The following CDH4 variants were observed in gnomAD, a reference collection of about 807,000 sequenced individuals.
CDH4 encodes the protein cadherin 4.
Under a neutral mutation model 86.0 loss-of-function variants are expected in CDH4, and 33 were observed. The observed-to-expected ratio is 0.38, with a 90% confidence interval of 0.29 to 0.51. The LOEUF is 0.51. CDH4 is among the 20% of genes least tolerant of loss of function. The pLI, the probability that CDH4 is intolerant of heterozygous loss-of-function variation, is 0.86. For missense variants in CDH4, 1,114 were observed against 1,307.4 expected (o/e 0.85, Z 2.28); for synonymous variants, 555 against 549.4 (o/e 1.01, Z -0.14).
chr20:61,568,505 G>C (rs954661400), intron 2 of CDH4, among the ~76,000 whole-genome samples: 1 of 152,212 alleles, frequency 6.6e-6, no homozygotes, highest in Non-Finnish European at 1.5e-5. Context: ...GTCTCAGGTA[G>C]GTATTAGCAG....
At chr20:61,923,818 G>A (rs982579860) in intron 10 of CDH4, 114 bp downstream of exon 10, 18 of 1,350,338 alleles carry the variant, frequency 1.3e-5, no homozygotes, top group African/African-American at 4.3e-5. Flanking sequence ...ATGGGTGGTC[G>A]GGGGCATCTC....
intron 2 of CDH4, among the ~76,000 whole-genome samples, chr20:61,409,896 G>C (rs999794318): frequency 1.3e-5 from 2 of 152,242 alleles, no homozygotes; most frequent in African/African-American, 4.8e-5. Context: ...TTTGTGTTAA[G>C]AGATTGATCA....
chr20:61,440,684 G>A (rs996065928), intron 2 of CDH4, among the ~76,000 whole-genome samples: 1 of 152,188 alleles, frequency 6.6e-6, no homozygotes, highest in Non-Finnish European at 1.5e-5. Context: ...CCTGAGATGT[G>A]AATCCGGGGA....
chr20:61,316,550 T>C (rs1262440636), intron 2 of CDH4, among the ~76,000 whole-genome samples: 1 of 152,256 alleles, frequency 6.6e-6, no homozygotes, highest in Non-Finnish European at 1.5e-5. Flanking sequence ...TGCCATCTGC[T>C]GCATCCTCGA....
intron 2 of CDH4, among the ~76,000 whole-genome samples, chr20:61,423,537 A>G (rs551585179): frequency 7.0e-4 from 106 of 152,196 alleles, no homozygotes; most frequent in South Asian, 4.1e-4. Flanking sequence ...GTGGTTGAAT[A>G]TTGCAAACGC....
chr20:61,467,243 C>A (rs1458482551), intron 2 of CDH4, among the ~76,000 whole-genome samples: 1 of 152,192 alleles, frequency 6.6e-6, no homozygotes, highest in African/African-American at 2.4e-5. Flanking sequence ...TTAAATCAAG[C>A]CTACATCAAA....
intron 2 of CDH4, among the ~76,000 whole-genome samples, chr20:61,726,925 A>G (rs1600918741): frequency 6.6e-6 from 1 of 151,740 alleles, no homozygotes; most frequent in East Asian, 1.9e-4. Context: ...CATCATCAAC[A>G]TTGCTGCCAT....
intron 2 of CDH4, among the ~76,000 whole-genome samples, chr20:61,355,730 G>C (rs1006471466): frequency 6.6e-6 from 1 of 152,214 alleles, no homozygotes; most frequent in African/African-American, 2.4e-5. Flanking sequence ...CTGTGCACCT[G>C]TCTGCCGCCT....
chr20:61,776,635 G>A (rs113785024), intron 4 of CDH4, among the ~76,000 whole-genome samples: 1,712 of 152,324 alleles, frequency 0.011, 29 homozygotes, highest in African/African-American at 0.038. Context: ...AGGTGGGTGC[G>A]TGTTAGGGCT....
chr20:61,497,026 A>C (rs1000412368), intron 2 of CDH4, among the ~76,000 whole-genome samples: 1 of 149,128 alleles, frequency 6.7e-6, no homozygotes, highest in Non-Finnish European at 1.5e-5. Context: ...CTCTTATCCA[A>C]TGTTAATATC....
In CDH4 at chr20:61,356,207, G is replaced by A. The variant is rs1031786822; in HGVS notation, c.169+101270G>A. On this transcript the variant is annotated intron_variant, in intron 2 of 15. Coordinates refer to ENST00000614565, the MANE Select transcript of CDH4 (RefSeq NM_001794.5). ...TGACCACTGTTCCTATTGAATGGAC[G>A]AGGGATTATCTTGGAAGAGGGTTGA... Among the ~76,000 whole-genome samples the A allele has an allele frequency of 2.6e-5, 4 of 152,274 alleles. No homozygotes were observed. The South Asian group carries it at 6.2e-4, about 24-fold the overall frequency.
chr20:61,745,472 G>T (rs1025331093), intron 3 of CDH4, among the ~76,000 whole-genome samples: 4 of 152,222 alleles, frequency 2.6e-5, no homozygotes, highest in Non-Finnish European at 5.9e-5. Context: ...ACTGCATGAT[G>T]AGCTGACCCC....
chr20:61,903,095 T>G (rs1568877747), intron 8 of CDH4, among the ~76,000 whole-genome samples: 1 of 151,786 alleles, frequency 6.6e-6, no homozygotes, highest in Non-Finnish European at 1.5e-5. Context: ...AAACTTCGTG[T>G]GCCACGTGCC....
Position 61,930,641 on chromosome 20 carries a change from C to A in CDH4, c.2239+799C>A, listed in dbSNP as rs138333318. Among the ~76,000 whole-genome samples the A allele has an allele frequency of 1.3e-3, 205 of 152,328 alleles. 4 individuals carry two copies. In the East Asian group the frequency reaches 0.034, roughly 25 times the overall value. On this transcript the variant is annotated intron_variant, in intron 13 of 15. Transcript: ENST00000614565. ...GCTGACTTGAGACCCCAGGGACCAA[C>A]CTGAGCCCTGTCCAAAGGATGTCTG...
intron 2 of CDH4, among the ~76,000 whole-genome samples, chr20:61,353,830 A>G (rs2084730762): frequency 6.9e-6 from 1 of 145,970 alleles, no homozygotes; most frequent in Admixed American, 7.0e-5. Context: ...CCCGTTAGAA[A>G]CATCCGCAAA....
chr20:61,409,914 A>G (rs888831820), intron 2 of CDH4, among the ~76,000 whole-genome samples: 2 of 152,260 alleles, frequency 1.3e-5, no homozygotes, highest in African/African-American at 4.8e-5. Flanking sequence ...TCACCATCTT[A>G]TTCCATCCTT....
In CDH4 at chr20:61,703,495, T is replaced by G. The variant is rs1252690642; in HGVS notation, c.170-40068T>G. Among the ~76,000 whole-genome samples the G allele has an allele frequency of 6.6e-6, 1 of 152,146 alleles. No individual in the cohort carries two copies. Among genetic ancestry groups the G allele is most frequent in the African/African-American group, 2.4e-5 (1 of 41,422 alleles). ...TATTTAACCTAATATTGAAAAGACA[T>G]CATTTGTCCCCACCAACAAATTAGT... On this transcript the variant is annotated intron_variant, in intron 2 of 15. Coordinates refer to ENST00000614565, the MANE Select transcript of CDH4 (RefSeq NM_001794.5). The surrounding 1 kb of genome is among the most constrained non-coding windows in gnomAD (Gnocchi z 4.3).
chr20:61,322,674 A>G (rs1172032592), intron 2 of CDH4, among the ~76,000 whole-genome samples: 1 of 152,184 alleles, frequency 6.6e-6, no homozygotes, highest in East Asian at 1.9e-4. Flanking sequence ...CCAGCCACAC[A>G]ATATGTTCAC....
Position 61,929,595 on chromosome 20 carries a change from T to C in CDH4, c.2006-14T>C. 1 of 1,603,256 alleles carries C rather than the reference T, an allele frequency of 6.2e-7. No individual in the cohort carries two copies. Among genetic ancestry groups the C allele is most frequent in the Non-Finnish European group, 8.5e-7 (1 of 1,170,486 alleles). On this transcript the variant is annotated splice_polypyrimidine_tract_variant and intron_variant, in intron 12 of 15. Coordinates refer to ENST00000614565, the MANE Select transcript of CDH4 (RefSeq NM_001794.5). ...CCGGGCTCTGGTTGAATGTTTACTG[T>C]TGCTTTGCACCAGGTGACTATGCCC... is the stretch of plus-strand genomic sequence containing the variant.
Sources: allele counts gnomAD v4.1 joint callset (sites outside exome capture counted in the v4.1 genomes callset), GRCh38; gene constraint gnomAD v4.1.1; non-coding constraint Gnocchi (gnomAD v3.1); transcripts MANE v1.5; gene names NCBI Gene and HGNC (gene_info 2026-07-23, HGNC 2026-07-21).